The following SLC5A4 variants were observed in gnomAD, a reference collection of about 807,000 sequenced individuals.
The protein encoded by SLC5A4 is solute carrier family 5 member 4, also known as probable glucose sensor protein SLC5A4.
In SLC5A4, 55 loss-of-function variants were observed where a neutral mutation model predicts 70.3. The ratio of observed to expected loss-of-function variants is 0.78; its 90% CI spans 0.63 to 0.98. The LOEUF (loss-of-function observed/expected upper bound fraction) is 0.98. Ranked by LOEUF, SLC5A4 falls within the 50% of genes least tolerant of loss-of-function variation. SLC5A4 has a pLI of 0.00. For synonymous variants in SLC5A4, 268 were observed against 305.7 expected, an observed-to-expected ratio of 0.88 and a Z score of 1.29; for missense variants, 735 against 839.2, an observed-to-expected ratio of 0.88 and a Z score of 1.53.
Position 32,239,020 on chromosome 22 carries a change from A to G in SLC5A4, c.548T>C (p.Ile183Thr). 6.2e-7 allele frequency: 1 copy of G among 1,614,008 alleles called. No homozygotes were observed. The change falls in exon 6 of 15, where the codon ATC becomes ACC. Residue 183 changes from isoleucine (I) to threonine (T), a missense_variant. Transcript: ENST00000266086. ...LGLDLYLAIF[I>T]LLAMTAVYTT... is the part of the protein sequence containing the mutation. Reference sequence around the variant, plus strand: ...GTAAACAGCAGTCATAGCCAAGAGGATGAAGATTGCCAGGTAAAGGTCCAA... The same window carrying G: ...GTAAACAGCAGTCATAGCCAAGAGGGTGAAGATTGCCAGGTAAAGGTCCAA...
chr22:32,310,867 T>C, the SLC5A4 span, among the ~76,000 whole-genome samples: 1 of 152,248 alleles, frequency 6.6e-6, no homozygotes, highest in Non-Finnish European at 1.5e-5. Flanking sequence ...ACGCAGGGCA[T>C]TGTTTGCACA....
At chr22:32,301,906 C>T in the SLC5A4 span, among the ~76,000 whole-genome samples, 1 of 151,476 alleles carries the variant, frequency 6.6e-6, no homozygotes, top group Non-Finnish European at 1.5e-5. Context: ...AGAACAATTA[C>T]AAATTGTACT....
At chr22:32,334,323 C>G in the SLC5A4 span, among the ~76,000 whole-genome samples, 1 of 152,172 alleles carries the variant, frequency 6.6e-6, no homozygotes. Context: ...CCCCGCCCCT[C>G]CAGCACTGTC....
At chr22:32,305,313 G>GTCTC in the SLC5A4 span, among the ~76,000 whole-genome samples, 1 of 130,238 alleles carries the variant, frequency 7.7e-6, no homozygotes, top group African/African-American at 3.0e-5. Context: ...CGGGCTTGTA[G>GTCTC]TCTCTCTGCC....
chr22:32,304,661 T>C, the SLC5A4 span, among the ~76,000 whole-genome samples: 2 of 152,236 alleles, frequency 1.3e-5, no homozygotes, highest in South Asian at 2.1e-4. Context: ...TTTGCAAATA[T>C]TTTCTCCCGT....
chr22:32,292,137 A>AT, the SLC5A4 span, among the ~76,000 whole-genome samples: 1 of 65,244 alleles, frequency 1.5e-5, no homozygotes, highest in South Asian at 4.6e-4. Context: ...TAGATATTAT[A>AT]TATTATATTC....
the SLC5A4 span, among the ~76,000 whole-genome samples, chr22:32,308,935 T>G: frequency 6.6e-6 from 1 of 151,856 alleles, no homozygotes; most frequent in African/African-American, 2.4e-5. Context: ...CTGTTATTCC[T>G]TCCTTCCTTC....
At chr22:32,310,204 A>G in the SLC5A4 span, among the ~76,000 whole-genome samples, 2 of 152,088 alleles carry the variant, frequency 1.3e-5, no homozygotes, top group African/African-American at 4.8e-5. Flanking sequence ...AGAGGGAGGC[A>G]AGGCCACCAG....
chr22:32,303,535 G>C, the SLC5A4 span, among the ~76,000 whole-genome samples: 2 of 152,160 alleles, frequency 1.3e-5, no homozygotes, highest in East Asian at 3.9e-4. Flanking sequence ...TCTGTCCTTT[G>C]TGCACAAGGA....
chr22:32,308,876 G>C, the SLC5A4 span, among the ~76,000 whole-genome samples: 1 of 151,576 alleles, frequency 6.6e-6, no homozygotes, highest in Non-Finnish European at 1.5e-5. Context: ...GTATGTACTT[G>C]TTTTCAATTG....
At chr22:32,305,876 C>T in the SLC5A4 span, among the ~76,000 whole-genome samples, 1 of 150,880 alleles carries the variant, frequency 6.6e-6, no homozygotes, top group African/African-American at 2.4e-5. Context: ...TCGTCTGGTG[C>T]CAGTGCCAGA....
intron 14 of SLC5A4, among the ~76,000 whole-genome samples, chr22:32,220,528 T>C (rs370592892): frequency 1.3e-5 from 2 of 152,160 alleles, no homozygotes; most frequent in African/African-American, 2.4e-5. Flanking sequence ...TTGGCGCATG[T>C]GGAAAAGTGA....
At chr22:32,334,352 C>T in the SLC5A4 span, among the ~76,000 whole-genome samples, 2 of 152,298 alleles carry the variant, frequency 1.3e-5, no homozygotes, top group East Asian at 1.9e-4. Context: ...TCAGCAGCAA[C>T]ACCACGTGTC....
At chr22:32,237,181 C>T (rs1926108454) in intron 7 of SLC5A4, 63 bp downstream of exon 7, 1 of 1,167,244 alleles carries the variant, frequency 8.6e-7, no homozygotes, top group South Asian at 1.3e-5. Flanking sequence ...AGCAGACAGA[C>T]CGAACAGAAA....
chr22:32,307,085 A>C, the SLC5A4 span, among the ~76,000 whole-genome samples: 50,591 of 151,894 alleles, frequency 0.33, 8,570 homozygotes, highest in Admixed American at 0.42. Flanking sequence ...AAGGGTAACC[A>C]TTCTCAGTGC....
the SLC5A4 span, among the ~76,000 whole-genome samples, chr22:32,334,931 T>C: frequency 6.6e-6 from 1 of 152,114 alleles, no homozygotes; most frequent in African/African-American, 2.4e-5. Context: ...TTTCCACACT[T>C]GTAGGAGGAG....
chr22:32,333,203 C>A, the SLC5A4 span, among the ~76,000 whole-genome samples: 1 of 149,002 alleles, frequency 6.7e-6, no homozygotes, highest in Non-Finnish European at 1.5e-5. Flanking sequence ...GGCACCCCCC[C>A]CCCAGAAGAC....
the SLC5A4 span, among the ~76,000 whole-genome samples, chr22:32,330,974 G>GGTGTGTTGGGGGCTCTGGT: frequency 4.9e-4 from 1 of 2,054 alleles, no homozygotes; most frequent in Non-Finnish European, 9.5e-4. Context: ...TGGGGGCACT[G>GGTGTGTTGGGGGCTCTGGT]GTGTGTGTGT....
At chr22:32,247,737 C>A (rs529704238) in intron 4 of SLC5A4, among the ~76,000 whole-genome samples, 1 of 152,302 alleles carries the variant, frequency 6.6e-6, no homozygotes, top group East Asian at 1.9e-4. Flanking sequence ...AGGACCCCCC[C>A]ATGGATAACT....
Sources: allele counts gnomAD v4.1 joint callset (sites outside exome capture counted in the v4.1 genomes callset), GRCh38; gene constraint gnomAD v4.1.1; transcripts MANE v1.5; gene names NCBI Gene and HGNC (gene_info 2026-07-23, HGNC 2026-07-21).